The following HIBCH variants were observed in gnomAD, a reference collection of about 807,000 sequenced individuals.
HIBCH encodes 3-hydroxyisobutyryl-CoA hydrolase, also known as 3-hydroxyisobutyryl-CoA hydrolase, mitochondrial.
Under a neutral mutation model 58.2 loss-of-function variants are expected in HIBCH, and 50 were observed. The ratio of observed to expected loss-of-function variants is 0.86; its 90% confidence interval spans 0.68 to 1.09. HIBCH has a LOEUF of 1.09. Among genes scored for constraint, HIBCH ranks in the 50% least tolerant of loss-of-function variants. The pLI is 0.00. For synonymous variants in HIBCH, 151 were observed against 146.9 expected, an observed-to-expected ratio of 1.03 and a Z score of -0.20; for missense variants, 450 against 449.7, an observed-to-expected ratio of 1.00 and a Z score of -0.01.
chr2:190,228,549 T>TAA (rs34542486), intron 11 of HIBCH, among the ~76,000 whole-genome samples: 1 of 124,784 alleles, frequency 8.0e-6, no homozygotes, highest in African/African-American at 3.2e-5. Context: ...AAAGTATAAT[T>TAA]AAAAAAAAAG....
downstream of HIBCH, chr2:190,199,855 C>CATAACATGGGCTGCATG: frequency 1.2e-6 from 2 of 1,612,222 alleles, no homozygotes; most frequent in Non-Finnish European, 1.7e-6. Flanking sequence ...AACAGCTCTT[C>CATAACATGGGCTGCATG]ATAACATGGG....
At chr2:190,258,662 G>A (rs1687000339) in intron 7 of HIBCH, among the ~76,000 whole-genome samples, 2 of 152,144 alleles carry the variant, frequency 1.3e-5, no homozygotes, top group South Asian at 4.1e-4. Context: ...TGTTGCCTGA[G>A]CTTTTGGCGT....
Position 190,211,965 on chromosome 2 carries a change from T to C in HIBCH, c.1011+991A>G, listed in dbSNP as rs1690520192. Among the ~76,000 whole-genome samples, 1 of 152,056 alleles carries C rather than the reference T, an allele frequency of 6.6e-6. No individual in the cohort carries two copies. Among genetic ancestry groups the C allele is most frequent in the Non-Finnish European group, 1.5e-5 (1 of 67,988 alleles). ...AGGTATACAGGAGAGTGGTCAAGAG[T>C]GCAGGCACTGGAGTAAGACTGCCTG... is the stretch of plus-strand genomic sequence containing the variant. On this transcript the variant is annotated intron_variant, in intron 12 of 13. Coordinates refer to ENST00000359678, the MANE Select transcript of HIBCH (RefSeq NM_014362.4). This position sits in a 1 kb window ranked among gnomAD's most constrained non-coding sequence, Gnocchi z 5.0.
At chr2:190,239,886 G>A (rs1186091135) in intron 11 of HIBCH, among the ~76,000 whole-genome samples, 2 of 152,138 alleles carry the variant, frequency 1.3e-5, no homozygotes, top group African/African-American at 2.4e-5. Flanking sequence ...CTGAACTTGA[G>A]TGATCTGCCC....
chr2:190,256,443 C>CAAAAAAAAA (rs775861983), intron 7 of HIBCH, among the ~76,000 whole-genome samples: 1 of 102,120 alleles, frequency 9.8e-6, no homozygotes, highest in Non-Finnish European at 2.0e-5. Context: ...TCCAATTCTG[C>CAAAAAAAAA]AAAAAAAAAA....
chr2:190,294,598 G>C lies in HIBCH; in HGVS notation c.252C>G (p.Ile84Met). ...KWEQDPETFL[I>M]IIKGAGGKAF... is the part of the protein sequence containing the mutation. ...CCTTTCCTCCTGCTCCCTTTATAAT[G>C]ATCAGGAAAGTTTCAGGATCTTGTT... The change falls in exon 4 of 14, where the codon ATC becomes ATG. Residue 84 changes from isoleucine to methionine, a missense_variant. Ile to Met is a conservative substitution (Grantham distance 10). Transcript: ENST00000359678. 1.2e-6 allele frequency: 2 copies of C among 1,612,560 alleles called. No homozygotes were observed. Among genetic ancestry groups the C allele is most frequent in the African/African-American group, 1.3e-5 (1 of 74,982 alleles).
At chr2:190,271,437 G>C (rs776594979) in intron 6 of HIBCH, among the ~76,000 whole-genome samples, 1 of 151,514 alleles carries the variant, frequency 6.6e-6, no homozygotes, top group Admixed American at 6.6e-5. Flanking sequence ...TTACAGGTGC[G>C]CACCACTGGG....
chr2:190,204,669 T>C lies in HIBCH; in HGVS notation c.*448A>G, dbSNP rs1357993204. The C allele has an allele frequency of 2.3e-5, 4 of 172,196 alleles. No individual in the cohort carries two copies. Among genetic ancestry groups the C allele is most frequent in the Non-Finnish European group, 3.8e-5 (3 of 79,964 alleles). The allele number at this position is 172,196 out of a possible 1,614,324, so 10.7% of individuals were successfully genotyped here. A position where few individuals can be genotyped will look rare whatever the true frequency, so the allele number is the denominator to read the frequency against. ...TTTTCAGGGTCTTTATTTTTTATATTGTATACCTAAGTTGATTTCATCAAC... is the reference window on the plus strand; with the variant it reads ...TTTTCAGGGTCTTTATTTTTTATATCGTATACCTAAGTTGATTTCATCAAC... On this transcript the variant is annotated 3_prime_UTR_variant, in exon 14 of 14. Transcript: ENST00000359678.
chr2:190,309,579 CAG>C (rs1275174337), intron 2 of HIBCH, among the ~76,000 whole-genome samples: 3 of 148,228 alleles, frequency 2.0e-5, no homozygotes, highest in Admixed American at 6.8e-5. Flanking sequence ...TTTTTTAAGA[CAG>C]AGTCTCGCTC....
chr2:190,205,399 G>A (rs1690366539), intron 13 of HIBCH, among the ~76,000 whole-genome samples, 167 bp from the exon 14 acceptor site: 1 of 152,026 alleles, frequency 6.6e-6, no homozygotes, highest in African/African-American at 2.4e-5. Flanking sequence ...TAAATCTCCA[G>A]GGATGGACAG....
intron 4 of HIBCH, among the ~76,000 whole-genome samples, 188 bp downstream of exon 4, chr2:190,294,358 T>C (rs1039043753): frequency 6.6e-6 from 1 of 152,188 alleles, no homozygotes; most frequent in Non-Finnish European, 1.5e-5. Context: ...AAATCTGCTA[T>C]TCTCATTTGC....
intron 11 of HIBCH, 42 bp from the exon 12 acceptor site, chr2:190,213,117 C>G (rs1473368335): frequency 1.4e-6 from 2 of 1,424,422 alleles, no homozygotes; most frequent in Non-Finnish European, 2.0e-6. Flanking sequence ...CCAATAGTTC[C>G]TTTATTGTCT....
intron 11 of HIBCH, among the ~76,000 whole-genome samples, chr2:190,222,479 C>A (rs1353188710): frequency 6.7e-6 from 1 of 150,268 alleles, no homozygotes; most frequent in East Asian, 1.9e-4. Context: ...AAGTGAATAT[C>A]TCAAAAAAGA....
chr2:190,241,442 A>G (rs1686451617), intron 11 of HIBCH, among the ~76,000 whole-genome samples: 1 of 152,188 alleles, frequency 6.6e-6, no homozygotes, highest in Admixed American at 6.5e-5. Flanking sequence ...GTGTCTTTTA[A>G]TTGGTGCATT....
chr2:190,272,891 T>C (rs1169698216), intron 6 of HIBCH, among the ~76,000 whole-genome samples: 1 of 152,134 alleles, frequency 6.6e-6, no homozygotes, highest in African/African-American at 2.4e-5. Flanking sequence ...ACAAGGGCTC[T>C]ATCTAATAAG....
chr2:190,271,218 T>A (rs1320713355), intron 6 of HIBCH, among the ~76,000 whole-genome samples: 2 of 149,864 alleles, frequency 1.3e-5, no homozygotes, highest in Non-Finnish European at 3.0e-5. Flanking sequence ...TCAAAACCCA[T>A]CAAGTCTTCT....
chr2:190,290,038 C>G (rs1048245618), intron 5 of HIBCH, among the ~76,000 whole-genome samples: 1 of 152,164 alleles, frequency 6.6e-6, no homozygotes, highest in African/African-American at 2.4e-5. Context: ...GCCACCGCAC[C>G]CAGCTGATTT....
At chr2:190,318,041 G>A (rs1180892995) in intron 1 of HIBCH, among the ~76,000 whole-genome samples, 2 of 151,848 alleles carry the variant, frequency 1.3e-5, no homozygotes, top group Non-Finnish European at 2.9e-5. Flanking sequence ...GGCCAGCCTG[G>A]TCTTGAACTC....
chr2:190,292,989 T>C (rs1687995308), intron 4 of HIBCH, among the ~76,000 whole-genome samples: 2 of 152,198 alleles, frequency 1.3e-5, no homozygotes, highest in Non-Finnish European at 2.9e-5. Context: ...TGGACTTGAA[T>C]CCACTGCTTT....
Sources: gnomAD v4.1 joint callset for allele counts (sites outside exome capture counted in the v4.1 genomes callset) on GRCh38, gnomAD v4.1.1 for gene constraint, Gnocchi (gnomAD v3.1) non-coding constraint, MANE v1.5 for transcripts, NCBI Gene and HGNC (gene_info 2026-07-23, HGNC 2026-07-21) for gene names.